GPAT4: variants seen among roughly 807,000 people sequenced by gnomAD.
The protein encoded by GPAT4 is glycerol-3-phosphate acyltransferase 4.
A neutral mutation model predicts 58.0 loss-of-function variants in GPAT4; 17 were observed. The ratio of observed to expected loss-of-function variants is 0.29; its 90% CI spans 0.20 to 0.44. GPAT4 has a LOEUF of 0.44. Among genes scored for constraint, GPAT4 ranks in the 20% least tolerant of loss-of-function variants. The probability of loss-of-function intolerance (pLI) is 1.00; values close to 1 mark genes in which losing one functional copy is unlikely to be tolerated. For synonymous variants in GPAT4, 204 were observed against 210.1 expected (o/e 0.97, Z 0.25); for missense variants, 377 against 574.5 (o/e 0.66, Z 3.51).
At position 41,620,928 on chromosome 8, in the gene GPAT4, C is replaced by T. The variant is rs143006137; in HGVS notation, c.1298C>T (p.Thr433Met). 18 of 1,551,574 alleles carry T rather than the reference C, an allele frequency of 1.2e-5. No homozygotes were observed. The Admixed American group carries it at 1.6e-4, about 14-fold the overall frequency. ...CTGAAGAGGGAGAAGGTGAAGGACA[C>T]GTTCAAGGAGGAGCAGCAGAAGCTG... is the stretch of plus-strand genomic sequence containing the variant. ...GGLKREKVKDTFKEEQQKLYS... is the reference protein window; with the variant it reads ...GGLKREKVKDMFKEEQQKLYS... Residue 433 changes from threonine to methionine, a missense_variant, in exon 13 of 13, where the codon ACG (threonine) becomes ATG (methionine). By Grantham distance (81) the Thr-to-Met change is moderately conservative. Transcript: ENST00000396987.
chr8:41,611,458 T>C (rs1335698206), intron 5 of GPAT4, among the ~76,000 whole-genome samples: 3 of 152,220 alleles, frequency 2.0e-5, no homozygotes, highest in Admixed American at 2.0e-4. Flanking sequence ...GATGAGACAA[T>C]ACAGTTTTTA....
chr8:41,607,660 C>T (rs1349399184), intron 2 of GPAT4, among the ~76,000 whole-genome samples: 1 of 151,904 alleles, frequency 6.6e-6, no homozygotes, highest in East Asian at 1.9e-4. Flanking sequence ...TCTGGAGTAG[C>T]TGGGACTACA....
At chr8:41,588,893 G>A (rs1802720037) in intron 1 of GPAT4, among the ~76,000 whole-genome samples, 1 of 152,220 alleles carries the variant, frequency 6.6e-6, no homozygotes, top group African/African-American at 2.4e-5. Flanking sequence ...GGAATGTTTG[G>A]CCTGTGGGGG....
chr8:41,617,160 G>A (rs1433833825), intron 10 of GPAT4, among the ~76,000 whole-genome samples: 2 of 152,126 alleles, frequency 1.3e-5, no homozygotes, highest in African/African-American at 4.8e-5. Context: ...CCAGGAGTTC[G>A]AGGCAAGCCT....
intron 5 of GPAT4, 28 bp from the exon 6 acceptor site, chr8:41,611,875 A>T (rs762626993): frequency 6.2e-7 from 1 of 1,608,666 alleles, no homozygotes; most frequent in Admixed American, 1.7e-5. Context: ...GTAAAATAAA[A>T]CCCAGAATCC....
rs1802866112 is a variant in GPAT4, at chr8:41,594,371, A to G, written c.-848-3921A>G. Among the ~76,000 whole-genome samples the G allele has an allele frequency of 2.0e-5, 3 of 152,134 alleles. No homozygotes were observed. In the South Asian group the frequency reaches 6.2e-4, roughly 32 times the overall value. On this transcript the variant is annotated intron_variant, in intron 1 of 12. Transcript: ENST00000396987. Reference sequence around the variant, plus strand: ...CTTATAATCCATTTACCAAAGGTATATTTTACTTTCCTAATATACCTTGCA... The same window carrying G: ...CTTATAATCCATTTACCAAAGGTATGTTTTACTTTCCTAATATACCTTGCA...
chr8:41,602,084 AG>A (rs1803117904), intron 2 of GPAT4, among the ~76,000 whole-genome samples: 1 of 152,322 alleles, frequency 6.6e-6, no homozygotes, highest in South Asian at 2.1e-4. Context: ...CCACCCAAGT[AG>A]CTGGGATGAC....
chr8:41,587,611 T>G (rs1299557779), intron 1 of GPAT4, among the ~76,000 whole-genome samples: 1 of 152,186 alleles, frequency 6.6e-6, no homozygotes, highest in Non-Finnish European at 1.5e-5. Context: ...TTGTAAGATG[T>G]GCAGCATCAT....
chr8:41,586,889 G>A (rs1480885428), intron 1 of GPAT4, among the ~76,000 whole-genome samples: 1 of 152,206 alleles, frequency 6.6e-6, no homozygotes, highest in East Asian at 1.9e-4. Context: ...TCGCTCGAGT[G>A]TGTTAAGAAC....
At chr8:41,593,221 A>G (rs900843702) in intron 1 of GPAT4, among the ~76,000 whole-genome samples, 3 of 152,140 alleles carry the variant, frequency 2.0e-5, no homozygotes, top group African/African-American at 7.2e-5. Context: ...TTCAGTCCTT[A>G]ATCTTATTTC....
chr8:41,610,711 G>C, intron 4 of GPAT4, 25 bp from the exon 5 acceptor site: 3 of 1,597,774 alleles, frequency 1.9e-6, no homozygotes, highest in Non-Finnish European at 2.6e-6. Context: ...TGCTGGCTGT[G>C]CTCTAACTTT....
intron 2 of GPAT4, among the ~76,000 whole-genome samples, chr8:41,601,156 G>T (rs186993646): frequency 6.6e-6 from 1 of 151,946 alleles, no homozygotes; most frequent in Admixed American, 6.6e-5. Flanking sequence ...TGGACTTGGG[G>T]TTATCTGTAT....
Position 41,615,041 on chromosome 8 carries a change from C to G in GPAT4, c.1046C>G (p.Ala349Gly), listed in dbSNP as rs374624501. 3 of 1,612,622 alleles carry G rather than the reference C, an allele frequency of 1.9e-6. No homozygotes were observed. The highest frequency in any genetic ancestry group is 2.5e-6 in the Non-Finnish European group (3 of 1,178,622). Reference sequence around the variant, plus strand: ...ATTGGAGCCACAGTTTACCCTGTTGCTATCAAGGTATAAGACCTCCGATGG... The same window carrying G: ...ATTGGAGCCACAGTTTACCCTGTTGGTATCAAGGTATAAGACCTCCGATGG... ...FEIGATVYPVAIKYDPQFGDA... is the reference protein window; with the variant it reads ...FEIGATVYPVGIKYDPQFGDA... The change falls in exon 10 of 13, where the codon GCT (alanine) becomes GGT (glycine). Residue 349 changes from alanine (A) to glycine (G), a missense_variant. Coordinates refer to ENST00000396987, the MANE Select transcript of GPAT4 (RefSeq NM_178819.4).
At chr8:41,612,783 T>TA in intron 7 of GPAT4, 62 bp from the exon 8 acceptor site, 1 of 1,438,028 alleles carries the variant, frequency 7.0e-7, no homozygotes, top group Non-Finnish European at 9.6e-7. Context: ...TGGTTCTTCC[T>TA]AGAGTGGGGA....
At chr8:41,582,517 T>C (rs1294009983) in intron 1 of GPAT4, among the ~76,000 whole-genome samples, 1 of 152,046 alleles carries the variant, frequency 6.6e-6, no homozygotes, top group African/African-American at 2.4e-5. Context: ...TACATTATTT[T>C]GAGTCTCCTT....
In GPAT4 at chr8:41,582,477, AT is replaced by A. The variant is rs869239846; in HGVS notation, c.-849+4200del. ...CACACACACACACACACACACACAC[AT>A]CTTTCTTTCTTTCTTTGCCAGTTGA... On this transcript the variant is annotated intron_variant, in intron 1 of 12. Transcript: ENST00000396987. Among the ~76,000 whole-genome samples the A allele has an allele frequency of 4.1e-5, 4 of 96,656 alleles. No individual in the cohort carries two copies. In the South Asian group the frequency reaches 9.7e-4, roughly 23 times the overall value. 63.4% of individuals were successfully genotyped at this position (96,656 alleles called of 152,430 possible).
At chr8:41,578,807 C>G (rs1008616607) in intron 1 of GPAT4, among the ~76,000 whole-genome samples, 70 of 152,210 alleles carry the variant, frequency 4.6e-4, no homozygotes, top group African/African-American at 1.7e-3. Flanking sequence ...TTTCAGCACC[C>G]TCTGAGGCAT....
chr8:41,585,521 T>C (rs1474896327), intron 1 of GPAT4, among the ~76,000 whole-genome samples: 1 of 152,230 alleles, frequency 6.6e-6, no homozygotes, highest in Non-Finnish European at 1.5e-5. Context: ...CCTCCAGCTT[T>C]ATGGTGATGA....
intron 8 of GPAT4, 113 bp from the exon 9 acceptor site, chr8:41,614,273 G>A: frequency 1.1e-6 from 1 of 880,684 alleles, no homozygotes; most frequent in Non-Finnish European, 1.7e-6. Flanking sequence ...AGTTATGCTT[G>A]TTAACTTTTT....
Sources: allele counts gnomAD v4.1 joint callset (sites outside exome capture counted in the v4.1 genomes callset), GRCh38; gene constraint gnomAD v4.1.1; transcripts MANE v1.5; gene names NCBI Gene and HGNC (gene_info 2026-07-23, HGNC 2026-07-21).